NLGN4Y: variants seen among roughly 807,000 people sequenced by gnomAD.
NLGN4Y encodes neuroligin 4 Y-linked.
In NLGN4Y, 4 loss-of-function variants were observed where a neutral mutation model predicts 8.4. That is an observed-to-expected ratio of 0.48 (90% CI 0.23 to 1.09). NLGN4Y has a LOEUF of 1.09. Among genes scored for constraint, NLGN4Y ranks in the 50% least tolerant of loss-of-function variants. NLGN4Y has a pLI of 0.19. For missense variants in NLGN4Y, 90 were observed against 192.3 expected (o/e 0.47, Z 3.15); for synonymous variants, 35 against 75.6 (o/e 0.46, Z 2.78).
chrY:14,711,089 G>A (rs2080897600), intron 2 of NLGN4Y, among the ~76,000 whole-genome samples: 1 of 33,191 alleles, frequency 3.0e-5, no homozygotes, highest in East Asian at 7.9e-4. Context: ...TCTTGGCTGT[G>A]CTCATTGATG....
Position 14,842,615 on chromosome Y carries a change from T to G in NLGN4Y, c.*1353T>G, listed in dbSNP as rs1426310595. The G allele has an allele frequency of 3.3e-5, 4 of 122,006 alleles. No individual in the cohort carries two copies. The highest frequency in any genetic ancestry group is 1.6e-4 in the South Asian group (4 of 25,697). 30.4% of individuals were successfully genotyped at this position (122,006 alleles called of 400,897 possible). ...GGTTTTTAAAAATCTTTTATGTCAT[T>G]TATAGGATAAAACATATGCTTGTCT... On this transcript the variant is annotated 3_prime_UTR_variant, in exon 7 of 7. Transcript: ENST00000684976.
At chrY:14,577,247 A>G (rs2150484233) in intron 1 of NLGN4Y, among the ~76,000 whole-genome samples, 5 of 33,936 alleles carry the variant, frequency 1.5e-4, no homozygotes, top group African/African-American at 5.8e-4. Context: ...CACACACACC[A>G]ACCAAGGAAA....
intron 4 of NLGN4Y, among the ~76,000 whole-genome samples, chrY:14,788,249 G>A: frequency 1.5e-4 from 5 of 33,158 alleles, no homozygotes; most frequent in South Asian, 6.9e-4. Flanking sequence ...TTATTATATC[G>A]CCATTGTGAA....
chrY:14,563,047 G>A, intron 1 of NLGN4Y, among the ~76,000 whole-genome samples: 5 of 33,519 alleles, frequency 1.5e-4, no homozygotes, highest in Admixed American at 1.4e-3. Flanking sequence ...TCTTTCTCTT[G>A]CCTGATTGCC....
At chrY:14,656,225 T>C in intron 2 of NLGN4Y, among the ~76,000 whole-genome samples, 1 of 33,399 alleles carries the variant, frequency 3.0e-5, no homozygotes, top group African/African-American at 1.2e-4. Flanking sequence ...TTTAAATCTA[T>C]AATTCTGTCA....
chrY:14,693,415 C>A, intron 2 of NLGN4Y, among the ~76,000 whole-genome samples: 1 of 32,451 alleles, frequency 3.1e-5, no homozygotes, highest in African/African-American at 1.2e-4. Context: ...AATTTAATTT[C>A]TGTTTTTATA....
intron 4 of NLGN4Y, chrY:14,793,628 T>G (rs2042995552): frequency 1.2e-4 from 4 of 33,440 alleles, no homozygotes; most frequent in Non-Finnish European, 2.9e-4. Context: ...TAATGTCTAC[T>G]GGTACTTAGA....
chrY:14,656,336 C>A, intron 2 of NLGN4Y, among the ~76,000 whole-genome samples: 1 of 32,083 alleles, frequency 3.1e-5, no homozygotes, highest in Admixed American at 2.9e-4. Context: ...GCTTCTAAAC[C>A]CAGCACTTTG....
At chrY:14,756,826 A>G in intron 4 of NLGN4Y, among the ~76,000 whole-genome samples, 2 of 19,300 alleles carry the variant, frequency 1.0e-4, no homozygotes, top group East Asian at 2.1e-3. Context: ...TATACTATAT[A>G]CACATATACA....
intron 4 of NLGN4Y, among the ~76,000 whole-genome samples, chrY:14,772,819 A>C: frequency 3.0e-5 from 1 of 33,240 alleles, no homozygotes; most frequent in East Asian, 7.9e-4. Context: ...GACAAAAACC[A>C]CATGATATCT....
intron 4 of NLGN4Y, among the ~76,000 whole-genome samples, chrY:14,774,299 A>G: frequency 3.0e-5 from 1 of 33,666 alleles, no homozygotes; most frequent in African/African-American, 1.2e-4. Context: ...AGGAACTTAA[A>G]CAAATGTACA....
intron 4 of NLGN4Y, among the ~76,000 whole-genome samples, chrY:14,776,655 A>T: frequency 3.1e-5 from 1 of 32,156 alleles, no homozygotes. Flanking sequence ...AAACTACACT[A>T]GCAGCATTTC....
intron 1 of NLGN4Y, among the ~76,000 whole-genome samples, chrY:14,535,452 T>G: frequency 3.1e-5 from 1 of 32,742 alleles, no homozygotes; most frequent in Non-Finnish European, 7.5e-5. Context: ...AGGCCCTTAA[T>G]GCTGTGTAAA....
intron 2 of NLGN4Y, among the ~76,000 whole-genome samples, chrY:14,653,979 G>A (rs2080640055): frequency 2.9e-5 from 1 of 34,256 alleles, no homozygotes; most frequent in African/African-American, 1.1e-4. Flanking sequence ...ACGATTTGTG[G>A]CCTGTATCTT....
Position 14,842,925 on chromosome Y carries a change from A to G in NLGN4Y, c.*1663A>G. The G allele has an allele frequency of 8.3e-6, 1 of 119,949 alleles. No individual in the cohort carries two copies. The highest frequency in any genetic ancestry group is 1.8e-5 in the Non-Finnish European group (1 of 55,866). The allele number at this position is 119,949 out of a possible 400,897, so 29.9% of individuals were successfully genotyped here. On this transcript the variant is annotated 3_prime_UTR_variant, in exon 7 of 7. Transcript: ENST00000684976. ...GAAACACAGTAGCAATGGTTGCTCT[A>G]TATTTTGTCTTTCAAAGATTACTGC...
chrY:14,698,764 C>CT (rs776404839), intron 2 of NLGN4Y, among the ~76,000 whole-genome samples: 27 of 31,301 alleles, frequency 8.6e-4, no homozygotes, highest in East Asian at 1.7e-3. Context: ...CTTTTCCTTT[C>CT]TTTTTTTTTC....
chrY:14,573,859 G>A (rs779688238), intron 1 of NLGN4Y, among the ~76,000 whole-genome samples: 1 of 33,544 alleles, frequency 3.0e-5, no homozygotes, highest in Non-Finnish European at 7.4e-5. Flanking sequence ...TATGTACCCA[G>A]TAGCCATTCA....
intron 2 of NLGN4Y, among the ~76,000 whole-genome samples, chrY:14,708,923 T>C: frequency 3.0e-5 from 1 of 33,211 alleles, no homozygotes; most frequent in Non-Finnish European, 7.4e-5. Flanking sequence ...TCCAGGTCAG[T>C]TGGGTGCTCA....
intron 2 of NLGN4Y, among the ~76,000 whole-genome samples, chrY:14,658,129 G>T: frequency 3.0e-5 from 1 of 33,565 alleles, no homozygotes; most frequent in Non-Finnish European, 7.4e-5. Flanking sequence ...AAGTTTTTTA[G>T]TCCTTGTCCC....
Sources: gnomAD v4.1 joint callset for allele counts (sites outside exome capture counted in the v4.1 genomes callset) on GRCh38, gnomAD v4.1.1 for gene constraint, MANE v1.5 for transcripts, NCBI Gene and HGNC (gene_info 2026-07-23, HGNC 2026-07-21) for gene names.